DPP6: variants seen among roughly 807,000 people sequenced by gnomAD.
DPP6 encodes the protein A-type potassium channel modulatory protein DPP6.
A neutral mutation model predicts 122.6 loss-of-function variants in DPP6; 69 were observed. The ratio of observed to expected loss-of-function variants is 0.56; its 90% confidence interval spans 0.46 to 0.69. The LOEUF (loss-of-function observed/expected upper bound fraction) is 0.69. Ranked by LOEUF, DPP6 falls within the 30% of genes least tolerant of loss-of-function variation. The pLI, the probability that DPP6 is intolerant of heterozygous loss-of-function variation, is 0.00. For synonymous variants in DPP6, 418 were observed against 433.1 expected (o/e 0.97, Z 0.43); for missense variants, 928 against 1,116.9 (o/e 0.83, Z 2.41).
intron 6 of DPP6, among the ~76,000 whole-genome samples, chr7:154,663,273 A>G (rs1484290432): frequency 3.6e-5 from 2 of 56,272 alleles, no homozygotes; most frequent in Non-Finnish European, 1.1e-4. Context: ...TAGTGTTCAT[A>G]TAGTCATGGT....
intron 1 of DPP6, among the ~76,000 whole-genome samples, chr7:154,358,018 T>G (rs1811420054): frequency 6.6e-6 from 1 of 152,064 alleles, no homozygotes; most frequent in Non-Finnish European, 1.5e-5. Flanking sequence ...ATTATGTCAG[T>G]GGTGTCCCTC....
rs932757782 is a variant in DPP6 at position 154,283,887 on chromosome 7, C to T, written c.244-162327C>T. Among the ~76,000 whole-genome samples the T allele has an allele frequency of 3.3e-4, 50 of 152,140 alleles. 3 individuals carry two copies. Among genetic ancestry groups the T allele is most frequent in the East Asian group, 9.6e-4 (5 of 5,190 alleles). On this transcript the variant is annotated intron_variant, in intron 1 of 25. Coordinates refer to ENST00000377770, the MANE Select transcript of DPP6 (RefSeq NM_130797.4). ...AACAGAAAACCAGTGCTTCTGGACACGAATCATTTCAGGGCTCTTTGCAGA... is the reference window on the plus strand; with the variant it reads ...AACAGAAAACCAGTGCTTCTGGACATGAATCATTTCAGGGCTCTTTGCAGA...
intron 3 of DPP6, among the ~76,000 whole-genome samples, chr7:154,525,003 G>T (rs1016631989): frequency 1.3e-4 from 20 of 152,168 alleles, no homozygotes; most frequent in Admixed American, 1.2e-3. Context: ...CAAAAATCTG[G>T]GTGTCTAGGA....
chr7:154,050,213 G>T (rs1340551438), upstream of DPP6, among the ~76,000 whole-genome samples: 1 of 151,954 alleles, frequency 6.6e-6, no homozygotes, highest in African/African-American at 2.4e-5. Flanking sequence ...AGCAGAAATC[G>T]CTTATCATAT....
rs188228059 is a variant in DPP6 at position 153,964,839 on chromosome 7, C to T, written c.51+77105C>T. 6.9e-3 allele frequency among the ~76,000 whole-genome samples: 844 copies of T among 122,236 alleles called. 70 individuals carry two copies. The highest frequency in any genetic ancestry group is 0.035 in the African/African-American group (806 of 22,738). 80.2% of individuals were successfully genotyped at this position (122,236 alleles called of 152,430 possible). On this transcript the variant is annotated intron_variant, in intron 1 of 25. Transcript: ENST00000404039. Reference sequence around the variant, plus strand: ...TTCCTTTCCTTTCCTTTTCCTTTTCCTTTTCCTTTTCCTTTTCCCTTTCCT... The same window carrying T: ...TTCCTTTCCTTTCCTTTTCCTTTTCTTTTTCCTTTTCCTTTTCCCTTTCCT...
At chr7:153,915,651 C>T (rs1230663241) in intron 1 of DPP6, among the ~76,000 whole-genome samples, 1 of 152,134 alleles carries the variant, frequency 6.6e-6, no homozygotes, top group Non-Finnish European at 1.5e-5. Context: ...AGCAGTGGCC[C>T]CTACCACTGG....
the DPP6 span, among the ~76,000 whole-genome samples, chr7:153,835,933 T>C: frequency 6.6e-6 from 1 of 151,750 alleles, no homozygotes; most frequent in South Asian, 2.1e-4. Context: ...CCAGTAGAGG[T>C]CTGGAGACTC....
chr7:153,807,256 T>C, the DPP6 span, among the ~76,000 whole-genome samples: 2 of 151,424 alleles, frequency 1.3e-5, no homozygotes, highest in Admixed American at 6.6e-5. Flanking sequence ...CTACTAAAAA[T>C]ACAAAAATTA....
At chr7:154,592,834 C>T (rs1832884421) in intron 5 of DPP6, among the ~76,000 whole-genome samples, 1 of 152,200 alleles carries the variant, frequency 6.6e-6, no homozygotes. Flanking sequence ...ACTTTTTCCC[C>T]AGCTGATCTT....
intron 1 of DPP6, among the ~76,000 whole-genome samples, chr7:153,978,383 C>T (rs1320672902): frequency 6.6e-6 from 1 of 152,084 alleles, no homozygotes; most frequent in African/African-American, 2.4e-5. Flanking sequence ...TATCCTTTGC[C>T]CACTTTTTGA....
At chr7:154,596,294 T>C (rs1833085974) in intron 5 of DPP6, among the ~76,000 whole-genome samples, 1 of 152,222 alleles carries the variant, frequency 6.6e-6, no homozygotes. Flanking sequence ...CATTGCAAAA[T>C]GCAGTGACTG....
chr7:154,054,074 T>C (rs1488583182), intron 1 of DPP6, among the ~76,000 whole-genome samples: 2 of 149,802 alleles, frequency 1.3e-5, no homozygotes, highest in East Asian at 2.0e-4. Context: ...ACAGCTCTTA[T>C]AACAGCTAGG....
At chr7:153,788,211 G>T in the DPP6 span, among the ~76,000 whole-genome samples, 2 of 152,078 alleles carry the variant, frequency 1.3e-5, no homozygotes, top group South Asian at 4.1e-4. Flanking sequence ...CTACATTTTG[G>T]GACACATCCA....
At chr7:154,216,491 C>T (rs1264882869) in intron 1 of DPP6, among the ~76,000 whole-genome samples, 2 of 152,168 alleles carry the variant, frequency 1.3e-5, no homozygotes, top group Non-Finnish European at 1.5e-5. Flanking sequence ...AGGGCAGGGC[C>T]TTCAGGAGCT....
rs1463179800 is a variant in DPP6 at position 154,833,975 on chromosome 7, C to T, written c.1667-19805C>T. ...ATCTTCACGCAGACAAGAATAAGGA[C>T]GCCTGTCCTCTGAGTACTCACTGCC... On this transcript the variant is annotated intron_variant, in intron 16 of 25. Coordinates refer to ENST00000377770, the MANE Select transcript of DPP6 (RefSeq NM_130797.4). This position sits in a 1 kb window ranked among gnomAD's most constrained non-coding sequence, Gnocchi z 4.3. Among the ~76,000 whole-genome samples the T allele has an allele frequency of 6.6e-6, 1 of 152,200 alleles. No individual in the cohort carries two copies. The highest frequency in any genetic ancestry group is 2.4e-5 in the African/African-American group (1 of 41,524).
chr7:154,658,109 G>A (rs965341503), intron 6 of DPP6, among the ~76,000 whole-genome samples: 6 of 152,214 alleles, frequency 3.9e-5, no homozygotes, highest in Non-Finnish European at 7.3e-5. Context: ...AATGGCAGGT[G>A]CAAGACGGAT....
At chr7:154,662,721 T>C (rs1237809028) in intron 6 of DPP6, among the ~76,000 whole-genome samples, 1 of 90,962 alleles carries the variant, frequency 1.1e-5, no homozygotes, top group Non-Finnish European at 2.4e-5. Context: ...TGAATCACCA[T>C]GGCATATTGG....
chr7:154,129,617 C>T (rs1323290979), intron 1 of DPP6, among the ~76,000 whole-genome samples: 4 of 152,262 alleles, frequency 2.6e-5, no homozygotes, highest in South Asian at 2.1e-4. Context: ...AAAAAATTAG[C>T]GGCCGGGCAC....
intron 5 of DPP6, chr7:154,588,015 G>C: frequency 6.2e-7 from 1 of 1,612,776 alleles, no homozygotes; most frequent in Non-Finnish European, 8.5e-7. Context: ...GTGAGGCATC[G>C]CATCTGCTCA....
Sources: gnomAD v4.1 joint callset for allele counts (sites outside exome capture counted in the v4.1 genomes callset) on GRCh38, gnomAD v4.1.1 for gene constraint, Gnocchi (gnomAD v3.1) non-coding constraint, MANE v1.5 for transcripts, NCBI Gene and HGNC (gene_info 2026-07-23, HGNC 2026-07-21) for gene names.